Variants in CMTR1 observed in about 807,000 individuals in gnomAD.
The protein encoded by CMTR1 is cap-specific mRNA (nucleoside-2'-O-)-methyltransferase 1.
A neutral mutation model predicts 107.0 loss-of-function variants in CMTR1; 39 were observed. The ratio of observed to expected loss-of-function variants is 0.36; its 90% CI spans 0.28 to 0.48. The LOEUF (loss-of-function observed/expected upper bound fraction) is 0.48. Ranked by LOEUF, CMTR1 falls within the 20% of genes least tolerant of loss-of-function variation. The probability of loss-of-function intolerance (pLI) is 0.99; values close to 1 mark genes in which losing one functional copy is unlikely to be tolerated. For missense variants in CMTR1, 672 were observed against 1,064.9 expected (o/e 0.63, Z 5.14); for synonymous variants, 366 against 379.5 (o/e 0.96, Z 0.41).
rs755094423 is a variant in CMTR1, at chr6:37,453,093, C to T, written c.656C>T (p.Thr219Ile). 1.2e-6 allele frequency: 2 copies of T among 1,614,022 alleles called. No individual in the cohort carries two copies. Among genetic ancestry groups the T allele is most frequent in the African/African-American group, 1.3e-5 (1 of 74,910 alleles). The stretch of plus-strand genomic sequence containing the variant: ...GGGGAAGAGATGCGGCGAGCTCGGA[C>T]TCGGGCCAATCCCTATGAGATGATC... ...LDGEEMRRAR[T>I]RANPYEMIRG... Residue 219 changes from threonine to isoleucine, a missense_variant, in exon 7 of 24, where the codon ACT becomes ATT. By Grantham distance (89) the Thr-to-Ile change is moderately conservative. Around this residue, in one of 2 missense-constraint regions of CMTR1, gnomAD observed 583 missense variants for 968.4 expected, o/e 0.60. Coordinates refer to ENST00000373451, the MANE Select transcript of CMTR1 (RefSeq NM_015050.3).
chr6:37,453,223 G>C lies in CMTR1; in HGVS notation c.705-17G>C. 1 of 1,613,950 alleles carries C rather than the reference G, an allele frequency of 6.2e-7. No individual in the cohort carries two copies. The highest frequency in any genetic ancestry group is 2.2e-5 in the East Asian group (1 of 44,872). On this transcript the variant is annotated splice_polypyrimidine_tract_variant and intron_variant, in intron 7 of 23. Transcript: ENST00000373451. ...AGCCTAGTACATCTAGTACTTTTCTGTCTTGCTTTATTGCAGGGCAGCAAT... is the reference window on the plus strand; with the variant it reads ...AGCCTAGTACATCTAGTACTTTTCTCTCTTGCTTTATTGCAGGGCAGCAAT...
chr6:37,462,364 A>C (rs906189139), intron 12 of CMTR1, among the ~76,000 whole-genome samples: 3 of 152,176 alleles, frequency 2.0e-5, no homozygotes, highest in African/African-American at 7.2e-5. Context: ...AGTGACCAAT[A>C]GTAGGGACAC....
chr6:37,435,003 A>G (rs1336557491), intron 1 of CMTR1, among the ~76,000 whole-genome samples: 1 of 152,148 alleles, frequency 6.6e-6, no homozygotes, highest in African/African-American at 2.4e-5. Flanking sequence ...TCCAGTCCCA[A>G]TAACTTTCCC....
At chr6:37,468,207 T>C (rs1484551626) in intron 13 of CMTR1, among the ~76,000 whole-genome samples, 1 of 152,074 alleles carries the variant, frequency 6.6e-6, no homozygotes, top group African/African-American at 2.4e-5. Flanking sequence ...GATTACTATA[T>C]GCACCTTTAA....
At chr6:37,445,258 A>G (rs888790858) in intron 3 of CMTR1, among the ~76,000 whole-genome samples, 2 of 151,994 alleles carry the variant, frequency 1.3e-5, no homozygotes, top group African/African-American at 4.8e-5. Flanking sequence ...AGCTGGTAAT[A>G]CCCCTTTCAG....
chr6:37,481,445 C>A lies in CMTR1; in HGVS notation c.*1300C>A. The A allele has an allele frequency of 2.6e-6, 3 of 1,168,928 alleles. No individual in the cohort carries two copies. Among genetic ancestry groups the A allele is most frequent in the Non-Finnish European group, 3.2e-6 (3 of 932,434 alleles). 72.4% of individuals were successfully genotyped at this position (1,168,928 alleles called of 1,614,324 possible). A position where few individuals can be genotyped will look rare whatever the true frequency, so the allele number is the denominator to read the frequency against. On this transcript the variant is annotated 3_prime_UTR_variant, in exon 24 of 24. Coordinates refer to ENST00000373451, the MANE Select transcript of CMTR1 (RefSeq NM_015050.3). ...ACTGCTGAGATGCTGTATTTCCACC[C>A]AATTCTGGGTATATCAGTGTGTCTT...
chr6:37,452,409 G>T (rs558158155), intron 6 of CMTR1, among the ~76,000 whole-genome samples: 1 of 152,346 alleles, frequency 6.6e-6, no homozygotes, highest in South Asian at 2.1e-4. Context: ...CACATTGTGT[G>T]TGGGCAGAAT....
chr6:37,477,577 T>C lies in CMTR1; in HGVS notation c.2106-15T>C. On this transcript the variant is annotated splice_polypyrimidine_tract_variant and intron_variant, in intron 20 of 23. Transcript: ENST00000373451. The stretch of plus-strand genomic sequence containing the variant: ...CCAGGAAGCCTTTGTCTTGTCTCTG[T>C]CCCTCTACCTGCAGGGTGAAGGAGG... The C allele has an allele frequency of 6.2e-7, 1 of 1,612,802 alleles. No homozygotes were observed. Among genetic ancestry groups the C allele is most frequent in the Non-Finnish European group, 8.5e-7 (1 of 1,178,848 alleles).
intron 4 of CMTR1, among the ~76,000 whole-genome samples, chr6:37,449,152 C>T (rs1026768546): frequency 6.6e-6 from 1 of 151,996 alleles, no homozygotes; most frequent in Non-Finnish European, 1.5e-5. Context: ...TGCTGTGTTG[C>T]CCAGACTGGT....
At chr6:37,475,995 G>C in intron 19 of CMTR1, 131 bp from the exon 20 acceptor site, 2 of 827,986 alleles carry the variant, frequency 2.4e-6, no homozygotes, top group South Asian at 3.0e-5. Flanking sequence ...GGACATGGGT[G>C]CTGCCTCTTA....
At chr6:37,479,662 C>G (rs1761815727) in intron 23 of CMTR1, among the ~76,000 whole-genome samples, 1 of 152,234 alleles carries the variant, frequency 6.6e-6, no homozygotes, top group South Asian at 2.1e-4. Context: ...ATTAGTCAGA[C>G]TGTTGGTCAT....
Position 37,434,252 on chromosome 6 carries a change from A to G in CMTR1, c.-7+875A>G, listed in dbSNP as rs552924939. Among the ~76,000 whole-genome samples the G allele has an allele frequency of 2.9e-3, 436 of 152,224 alleles. 1 individual carries two copies. Among genetic ancestry groups the G allele is most frequent in the Middle Eastern group, 0.014 (4 of 294 alleles). On this transcript the variant is annotated intron_variant, in intron 1 of 23. Transcript: ENST00000373451. ...TTTCTCAGGAAGGTGGCGGTTGTGC[A>G]TTGGGTTGATTGGCTCTTCCTTGAG...
intron 20 of CMTR1, 27 bp from the exon 21 acceptor site, chr6:37,477,565 G>A (rs1476178933): frequency 6.2e-7 from 1 of 1,610,818 alleles, no homozygotes; most frequent in African/African-American, 1.3e-5. Context: ...GGAAGCCTTT[G>A]TCTTGTCTCT....
intron 11 of CMTR1, 162 bp downstream of exon 11, chr6:37,461,807 C>T: frequency 1.1e-6 from 1 of 896,376 alleles, no homozygotes; most frequent in South Asian, 1.6e-5. Flanking sequence ...GTGGAATCCT[C>T]AAAGTCCCCT....
At chr6:37,453,539 AG>A (rs988342329) in intron 8 of CMTR1, among the ~76,000 whole-genome samples, 34 of 152,324 alleles carry the variant, frequency 2.2e-4, no homozygotes, top group African/African-American at 8.2e-4. Context: ...ACCCTACAGA[AG>A]GTAGAGTGGA....
At chr6:37,475,174 G>A in intron 18 of CMTR1, 147 bp from the exon 19 acceptor site, 1 of 674,640 alleles carries the variant, frequency 1.5e-6, no homozygotes, top group Non-Finnish European at 2.7e-6. Context: ...AGGAGCAGCT[G>A]GGAGGGAGAC....
At chr6:37,449,846 T>A (rs1047604125) in intron 4 of CMTR1, among the ~76,000 whole-genome samples, 1 of 152,246 alleles carries the variant, frequency 6.6e-6, no homozygotes, top group Non-Finnish European at 1.5e-5. Flanking sequence ...ATACTTATCT[T>A]GTCATAGACC....
the CMTR1 span, among the ~76,000 whole-genome samples, chr6:37,425,970 G>T: frequency 6.6e-6 from 1 of 152,058 alleles, no homozygotes; most frequent in African/African-American, 2.4e-5. Context: ...TTGTTTTGTT[G>T]TCTTTTTTAT....
chr6:37,428,999 AT>A (rs1336057672), upstream of CMTR1, among the ~76,000 whole-genome samples: 2 of 151,978 alleles, frequency 1.3e-5, no homozygotes, highest in East Asian at 3.9e-4. Flanking sequence ...AGCGCCAAAT[AT>A]TTTTTTCTAC....
Sources: allele counts gnomAD v4.1 joint callset (sites outside exome capture counted in the v4.1 genomes callset), GRCh38; gene constraint gnomAD v4.1.1; regional missense constraint gnomAD v4.1.1; transcripts MANE v1.5; gene names NCBI Gene and HGNC (gene_info 2026-07-23, HGNC 2026-07-21).